The following KLHL13 variants were observed in gnomAD, a reference collection of about 807,000 sequenced individuals.
The protein encoded by KLHL13 is kelch like family member 13.
A neutral mutation model predicts 37.1 loss-of-function variants in KLHL13; 10 were observed. That is an observed-to-expected ratio of 0.27 (90% CI 0.17 to 0.46). The LOEUF is 0.46. Among genes scored for constraint, KLHL13 ranks in the 20% least tolerant of loss-of-function variants. The probability of loss-of-function intolerance (pLI) is 1.00; values close to 1 mark genes in which losing one functional copy is unlikely to be tolerated. For missense variants in KLHL13, 360 were observed against 509.3 expected (o/e 0.71, Z 2.82); for synonymous variants, 163 against 181.2 (o/e 0.90, Z 0.81).
At chrX:117,948,494 A>C (rs924882388) in intron 1 of KLHL13, among the ~76,000 whole-genome samples, 1 of 112,123 alleles carries the variant, frequency 8.9e-6, no homozygotes, top group Non-Finnish European at 1.9e-5. Context: ...TGTAAGAATA[A>C]TAATTTCCTA....
At chrX:117,931,441 GA>G (rs946518308) in intron 2 of KLHL13, among the ~76,000 whole-genome samples, 1 of 111,485 alleles carries the variant, frequency 9.0e-6, no homozygotes, top group African/African-American at 3.3e-5. Flanking sequence ...TCTTAAGGAT[GA>G]AAGGGATGTT....
chrX:118,023,276 A>G (rs955502008), intron 1 of KLHL13, among the ~76,000 whole-genome samples: 4 of 111,198 alleles, frequency 3.6e-5, no homozygotes, highest in Admixed American at 1.9e-4. Context: ...ACTCTTACAT[A>G]TTACCATTAA....
At chrX:118,074,660 T>C (rs916995072) in intron 1 of KLHL13, among the ~76,000 whole-genome samples, 3 of 112,025 alleles carry the variant, frequency 2.7e-5, no homozygotes, top group African/African-American at 9.7e-5. Flanking sequence ...AAAATCTCTG[T>C]GCCCATAATT....
chrX:118,046,396 G>C (rs1045746182), intron 1 of KLHL13, among the ~76,000 whole-genome samples: 2 of 111,923 alleles, frequency 1.8e-5, no homozygotes, highest in African/African-American at 6.5e-5. Context: ...GGCTGGGAAG[G>C]GTAGCTGGGT....
intron 1 of KLHL13, among the ~76,000 whole-genome samples, chrX:118,015,902 T>A (rs2054123208): frequency 9.0e-6 from 1 of 111,371 alleles, no homozygotes; most frequent in South Asian, 3.8e-4. Context: ...TAGCCAAAGA[T>A]TTGGCTTACA....
chrX:118,049,702 A>C (rs2054594381), intron 1 of KLHL13, among the ~76,000 whole-genome samples: 2 of 111,309 alleles, frequency 1.8e-5, no homozygotes, highest in South Asian at 7.7e-4. Context: ...CCTATTTCAG[A>C]ACGCTCATTT....
chrX:118,082,616 ATCTG>A (rs750753525), intron 1 of KLHL13, among the ~76,000 whole-genome samples: 27 of 111,267 alleles, frequency 2.4e-4, no homozygotes, highest in Admixed American at 2.1e-3. Context: ...ATGTAATCCC[ATCTG>A]TCTATTTTTG....
At chrX:118,032,619 G>C (rs2054370502) in intron 1 of KLHL13, among the ~76,000 whole-genome samples, 1 of 111,397 alleles carries the variant, frequency 9.0e-6, no homozygotes, top group African/African-American at 3.3e-5. Context: ...ACCAAAAGTA[G>C]ATAAAACCAC....
In KLHL13 at chrX:118,033,396, G is replaced by A. The variant is rs187003845; in HGVS notation, c.-56+83112C>T. On this transcript the variant is annotated intron_variant, in intron 1 of 6. Coordinates refer to the KLHL13 transcript ENST00000371882. The stretch of plus-strand genomic sequence containing the variant: ...CCATCAGACTAACAGCAGATCTCTC[G>A]GCAGAAACTCTACAAGCCAGGAGAG... Among the ~76,000 whole-genome samples the A allele has an allele frequency of 7.9e-3, 883 of 111,422 alleles. 10 individuals are homozygous for A. The highest frequency in any genetic ancestry group is 0.027 in the African/African-American group (841 of 30,591).
intron 1 of KLHL13, among the ~76,000 whole-genome samples, chrX:118,097,080 G>A (rs760776858): frequency 1.9e-3 from 207 of 111,139 alleles, no homozygotes; most frequent in African/African-American, 6.4e-3. Flanking sequence ...TCTGGCCAGG[G>A]CAATCAGGCA....
intron 1 of KLHL13, among the ~76,000 whole-genome samples, chrX:118,041,688 A>AT (rs764064865): frequency 8.9e-5 from 10 of 112,032 alleles, no homozygotes; most frequent in Non-Finnish European, 1.3e-4. Flanking sequence ...GTTATAAGAT[A>AT]TTATTTGAAA....
intron 1 of KLHL13, among the ~76,000 whole-genome samples, chrX:117,952,420 C>T (rs1283665409): frequency 1.9e-4 from 21 of 109,068 alleles, no homozygotes; most frequent in Non-Finnish European, 3.6e-4. Flanking sequence ...GGATTAAAGA[C>T]TTAAATGTTA....
At chrX:118,025,861 C>T (rs978191861) in intron 1 of KLHL13, among the ~76,000 whole-genome samples, 6 of 112,248 alleles carry the variant, frequency 5.3e-5, no homozygotes, top group Non-Finnish European at 9.4e-5. Context: ...CACACTCAAA[C>T]TGCAAAAGTT....
intron 1 of KLHL13, among the ~76,000 whole-genome samples, chrX:117,994,896 A>T (rs1375974137): frequency 9.1e-6 from 1 of 110,029 alleles, no homozygotes; most frequent in East Asian, 2.8e-4. Flanking sequence ...TCTGTATAAA[A>T]AATAAAAAAT....
At chrX:118,080,939 GA>G (rs2054985620) in intron 1 of KLHL13, among the ~76,000 whole-genome samples, 1 of 111,791 alleles carries the variant, frequency 8.9e-6, no homozygotes. Context: ...CATAAAAAAA[GA>G]AAAAATCATG....
At chrX:118,036,408 G>A (rs931344778) in intron 1 of KLHL13, among the ~76,000 whole-genome samples, 1 of 111,087 alleles carries the variant, frequency 9.0e-6, no homozygotes. Flanking sequence ...ATAGATCAAT[G>A]AACAGAACAG....
intron 1 of KLHL13, among the ~76,000 whole-genome samples, chrX:118,034,142 G>A (rs1354456630): frequency 1.0e-5 from 1 of 99,415 alleles, no homozygotes; most frequent in East Asian, 2.9e-4. Context: ...ATTAATAATG[G>A]GAGACTTTAA....
At chrX:118,018,902 A>C (rs983871229) in intron 1 of KLHL13, among the ~76,000 whole-genome samples, 1 of 111,410 alleles carries the variant, frequency 9.0e-6, no homozygotes, top group African/African-American at 3.2e-5. Context: ...GCTTTTATAG[A>C]TATACAAGCC....
intron 1 of KLHL13, among the ~76,000 whole-genome samples, chrX:118,007,554 A>G (rs1410259077): frequency 9.0e-6 from 1 of 111,444 alleles, no homozygotes; most frequent in Non-Finnish European, 1.9e-5. Context: ...TTTAATTTGG[A>G]TTCACTCTGC....
Sources: allele counts gnomAD v4.1 joint callset (sites outside exome capture counted in the v4.1 genomes callset), GRCh38; gene constraint gnomAD v4.1.1; transcripts MANE v1.5; gene names NCBI Gene and HGNC (gene_info 2026-07-23, HGNC 2026-07-21).